The following VRK2 variants were observed in gnomAD, a reference collection of about 807,000 sequenced individuals.
The protein encoded by VRK2 is serine/threonine-protein kinase VRK2.
In VRK2, 60 loss-of-function variants were observed where a neutral mutation model predicts 57.6. The observed-to-expected ratio is 1.04, with a 90% confidence interval of 0.85 to 1.29. The LOEUF (loss-of-function observed/expected upper bound fraction) is 1.29, where lower values mean the gene tolerates loss of function less well. Among genes scored for constraint, VRK2 ranks in the 50% most tolerant of loss-of-function variants. The probability of loss-of-function intolerance (pLI) is 0.00; values close to 1 mark genes in which losing one functional copy is unlikely to be tolerated. For missense variants in VRK2, 705 were observed against 588.1 expected (o/e 1.20, Z -2.06); for synonymous variants, 231 against 199.2 (o/e 1.16, Z -1.35).
At position 58,159,592 on chromosome 2, in the gene VRK2, C is replaced by T. The variant is rs976332865; in HGVS notation, c.1426C>T (p.Gln476Ter). ...SSTGLWPTIS[Q>*]FTLSEETNAD... ...AACTGGACTTTGGCCTACAATTTCC[C>T]AGTTTACTCTTAGTGAAGAGACAAA... is the stretch of plus-strand genomic sequence containing the variant. The change falls in exon 13 of 13, where the codon CAG (glutamine) becomes TAG (stop). Residue 476 changes from glutamine to a stop codon, truncating the protein, a stop_gained. Transcript: ENST00000340157. LOFTEE classifies it high-confidence loss of function. The T allele has an allele frequency of 1.9e-6, 3 of 1,613,740 alleles. No individual in the cohort carries two copies. The highest frequency in any genetic ancestry group is 2.5e-6 in the Non-Finnish European group (3 of 1,179,822).
At chr2:58,018,379 C>T (rs1369416284) in intron 1 of VRK2, among the ~76,000 whole-genome samples, 4 of 152,138 alleles carry the variant, frequency 2.6e-5, no homozygotes, top group African/African-American at 9.7e-5. Flanking sequence ...TTTGGTTCAT[C>T]GTACCTTGTT....
At chr2:58,118,442 T>G (rs1233037818) in intron 7 of VRK2, among the ~76,000 whole-genome samples, 1 of 152,038 alleles carries the variant, frequency 6.6e-6, no homozygotes, top group Non-Finnish European at 1.5e-5. Context: ...ATGAAAGGAA[T>G]TGAAATTAAG....
chr2:58,109,183 A>T (rs1675191490), intron 7 of VRK2, among the ~76,000 whole-genome samples: 1 of 152,208 alleles, frequency 6.6e-6, no homozygotes, highest in Non-Finnish European at 1.5e-5. Context: ...ATTAAAATTT[A>T]TTCAAACCAA....
chr2:57,952,278 G>A (rs1671451168), intron 1 of VRK2, among the ~76,000 whole-genome samples: 1 of 151,798 alleles, frequency 6.6e-6, no homozygotes, highest in South Asian at 2.1e-4. Context: ...ACACCTCCAA[G>A]GTATGCCTGT....
chr2:58,097,665 A>G (rs974641391), intron 7 of VRK2, among the ~76,000 whole-genome samples: 1 of 152,152 alleles, frequency 6.6e-6, no homozygotes, highest in East Asian at 1.9e-4. Context: ...GAAAGTTTCT[A>G]TTGCCTAGTA....
chr2:57,931,856 C>A (rs1175088155), intron 1 of VRK2, among the ~76,000 whole-genome samples: 3 of 149,950 alleles, frequency 2.0e-5, no homozygotes, highest in African/African-American at 7.4e-5. Context: ...GTTTCCTCAA[C>A]ATCATTTATG....
At chr2:58,059,764 A>G (rs1677059481) in intron 2 of VRK2, among the ~76,000 whole-genome samples, 3 of 151,814 alleles carry the variant, frequency 2.0e-5, no homozygotes, top group Non-Finnish European at 2.9e-5. Flanking sequence ...TTGGGTGTTT[A>G]TAATAGACAA....
Position 58,135,155 on chromosome 2 carries a change from T to C in VRK2, c.812T>C (p.Leu271Pro). ...TTTTGTTTTAGTCTGTTGGACGAGCTCCCCCAGTCAGTGCTTAAATGGGCT... is the reference window on the plus strand; with the variant it reads ...TTTTGTTTTAGTCTGTTGGACGAGCCCCCCCAGTCAGTGCTTAAATGGGCT... ...QTAKTNLLDE[L>P]PQSVLKWAPS... The change falls in exon 10 of 13, where the codon CTC becomes CCC. Residue 271 changes from leucine to proline, a missense_variant. Physicochemically the swap from Leu to Pro is moderately conservative, Grantham distance 98. Coordinates refer to ENST00000340157, the MANE Select transcript of VRK2 (RefSeq NM_006296.7). 1.9e-6 allele frequency: 3 copies of C among 1,614,126 alleles called. No individual in the cohort carries two copies. Among genetic ancestry groups the C allele is most frequent in the Non-Finnish European group, 2.5e-6 (3 of 1,180,012 alleles).
At chr2:58,008,061 C>T (rs997772045) in intron 1 of VRK2, among the ~76,000 whole-genome samples, 3 of 152,008 alleles carry the variant, frequency 2.0e-5, no homozygotes, top group African/African-American at 7.2e-5. Context: ...TTTAAATAAA[C>T]ACTGAACATT....
At chr2:57,973,612 C>T (rs531054966) in intron 1 of VRK2, among the ~76,000 whole-genome samples, 10 of 151,796 alleles carry the variant, frequency 6.6e-5, no homozygotes, top group African/African-American at 1.4e-4. Context: ...TATCTAGCAG[C>T]ACTGTCAAAC....
At chr2:57,998,721 G>A (rs769531723) in intron 1 of VRK2, among the ~76,000 whole-genome samples, 3 of 152,096 alleles carry the variant, frequency 2.0e-5, no homozygotes, top group Non-Finnish European at 4.4e-5. Context: ...GAGAATAAGA[G>A]ACCTAAAATA....
At chr2:58,102,801 G>A (rs1276913899) in intron 7 of VRK2, among the ~76,000 whole-genome samples, 1 of 151,442 alleles carries the variant, frequency 6.6e-6, no homozygotes, top group African/African-American at 2.4e-5. Context: ...CATCATCACA[G>A]GGAACATTCT....
chr2:58,112,779 C>A (rs917709750), intron 7 of VRK2, among the ~76,000 whole-genome samples: 2 of 152,072 alleles, frequency 1.3e-5, no homozygotes, highest in African/African-American at 2.4e-5. Flanking sequence ...TGGCCTCGGA[C>A]AAAGTTGTTC....
chr2:58,144,222 C>T (rs72810351), intron 11 of VRK2, among the ~76,000 whole-genome samples: 10,767 of 151,842 alleles, frequency 0.071, 448 homozygotes, highest in Non-Finnish European at 0.083. Flanking sequence ...GAGCATAGAA[C>T]AGTATTTGTC....
chr2:57,938,863 A>C (rs115726275), intron 1 of VRK2, among the ~76,000 whole-genome samples: 2,446 of 152,222 alleles, frequency 0.016, 71 homozygotes, highest in African/African-American at 0.055. Flanking sequence ...TTATGACTTC[A>C]AAAAAAGAAC....
At chr2:57,976,380 A>G (rs1203207220) in intron 1 of VRK2, among the ~76,000 whole-genome samples, 3 of 152,134 alleles carry the variant, frequency 2.0e-5, no homozygotes, top group African/African-American at 7.2e-5. Context: ...CCACCAGCAG[A>G]GTATAAGTAT....
At chr2:58,005,048 T>C (rs937129707) in intron 1 of VRK2, among the ~76,000 whole-genome samples, 1 of 152,182 alleles carries the variant, frequency 6.6e-6, no homozygotes, top group Non-Finnish European at 1.5e-5. Context: ...ATAAACATTA[T>C]GTTAACATTC....
intron 1 of VRK2, among the ~76,000 whole-genome samples, chr2:58,003,675 G>A (rs927652527): frequency 6.6e-6 from 1 of 152,090 alleles, no homozygotes; most frequent in African/African-American, 2.4e-5. Context: ...GCATAAAACA[G>A]TGCATTGCAT....
At chr2:58,097,436 A>G (rs1673313293) in intron 7 of VRK2, among the ~76,000 whole-genome samples, 1 of 152,050 alleles carries the variant, frequency 6.6e-6, no homozygotes, top group Admixed American at 6.6e-5. Flanking sequence ...ACTATTTATG[A>G]AAGTTTGTAA....
Sources: allele counts gnomAD v4.1 joint callset (sites outside exome capture counted in the v4.1 genomes callset), GRCh38; gene constraint gnomAD v4.1.1; transcripts MANE v1.5; gene names NCBI Gene and HGNC (gene_info 2026-07-23, HGNC 2026-07-21).